The following DCTN5 variants were observed in gnomAD, a reference collection of about 807,000 sequenced individuals.
The protein encoded by DCTN5 is dynactin subunit 5, also known as dynactin 4.
In DCTN5, 14 loss-of-function variants were observed where a neutral mutation model predicts 23.5. The observed-to-expected ratio is 0.60, with a 90% CI of 0.39 to 0.93. The LOEUF is 0.93. Among genes scored for constraint, DCTN5 ranks in the 40% least tolerant of loss-of-function variants. The pLI, the probability that DCTN5 is intolerant of heterozygous loss-of-function variation, is 0.00. For missense variants in DCTN5, 156 were observed against 225.9 expected, an observed-to-expected ratio of 0.69 and a Z score of 1.98; for synonymous variants, 67 against 79.6, an observed-to-expected ratio of 0.84 and a Z score of 0.84.
At chr16:23,659,841 G>C (rs1009675886) in intron 3 of DCTN5, among the ~76,000 whole-genome samples, 3 of 152,134 alleles carry the variant, frequency 2.0e-5, no homozygotes, top group Admixed American at 6.6e-5. Context: ...CCCTATTATG[G>C]TTTTATACAG....
In DCTN5 at chr16:23,643,354, G is replaced by C. The variant is rs2140968692; in HGVS notation, c.117+331G>C. Among the ~76,000 whole-genome samples, 2 of 151,614 alleles carry C rather than the reference G, an allele frequency of 1.3e-5. 1 individual carries two copies. The highest frequency in any genetic ancestry group is 4.2e-4 in the South Asian group (2 of 4,796). On this transcript the variant is annotated intron_variant, in intron 2 of 5. Coordinates refer to ENST00000300087, the MANE Select transcript of DCTN5 (RefSeq NM_032486.4). ...TTACAGGCAGCTGCCACCAAGCCCG[G>C]CTAATATTTTGTATTTTTAGTAGAG...
chr16:23,658,829 C>G (rs1293025420), intron 3 of DCTN5, among the ~76,000 whole-genome samples: 1 of 152,110 alleles, frequency 6.6e-6, no homozygotes, highest in Admixed American at 6.6e-5. Flanking sequence ...CGCTTACACA[C>G]TGGCAAAAGC....
intron 2 of DCTN5, among the ~76,000 whole-genome samples, chr16:23,646,361 C>A (rs1454575669): frequency 6.6e-6 from 1 of 152,038 alleles, no homozygotes; most frequent in African/African-American, 2.4e-5. Context: ...TTTGCAAATG[C>A]TTTCTTCCTT....
chr16:23,667,248 C>A lies in DCTN5; in HGVS notation c.*104C>A. The A allele has an allele frequency of 7.2e-7, 1 of 1,394,724 alleles. No individual in the cohort carries two copies. The highest frequency in any genetic ancestry group is 9.8e-7 in the Non-Finnish European group (1 of 1,020,110). 86.4% of individuals were successfully genotyped at this position (1,394,724 alleles called of 1,614,324 possible). A position where few individuals can be genotyped will look rare whatever the true frequency, so the allele number is the denominator to read the frequency against. On this transcript the variant is annotated 3_prime_UTR_variant, in exon 6 of 6. Coordinates refer to ENST00000300087, the MANE Select transcript of DCTN5 (RefSeq NM_032486.4). Reference sequence around the variant, plus strand: ...AGAGCTTTTGTGTCTTTGACATCTACCACCCTCCTCCTTTTAAAAAATTTC... The same window carrying A: ...AGAGCTTTTGTGTCTTTGACATCTAACACCCTCCTCCTTTTAAAAAATTTC...
intron 2 of DCTN5, among the ~76,000 whole-genome samples, chr16:23,655,994 T>C (rs1967697558): frequency 6.6e-6 from 1 of 152,158 alleles, no homozygotes; most frequent in African/African-American, 2.4e-5. Context: ...GAGGCTGAAG[T>C]AAGAGAATTA....
At chr16:23,651,628 A>T (rs1967607612) in intron 2 of DCTN5, among the ~76,000 whole-genome samples, 1 of 152,266 alleles carries the variant, frequency 6.6e-6, no homozygotes, top group Non-Finnish European at 1.5e-5. Context: ...GTAGGTGGAA[A>T]CATGAAACTG....
intron 2 of DCTN5, among the ~76,000 whole-genome samples, chr16:23,652,357 A>C (rs972907504): frequency 6.6e-6 from 1 of 152,228 alleles, no homozygotes; most frequent in Non-Finnish European, 1.5e-5. Context: ...TTCAAAATTT[A>C]ATTGGTAATC....
intron 2 of DCTN5, among the ~76,000 whole-genome samples, chr16:23,644,602 A>G (rs1967384075): frequency 1.3e-5 from 2 of 151,226 alleles, no homozygotes; most frequent in Admixed American, 6.6e-5. Flanking sequence ...GCCTGGCCTA[A>G]TTTTTGTATT....
At chr16:23,663,687 G>A (rs1967856900) in intron 4 of DCTN5, among the ~76,000 whole-genome samples, 1 of 151,442 alleles carries the variant, frequency 6.6e-6, no homozygotes, top group Non-Finnish European at 1.5e-5. Flanking sequence ...CTGCACTCCA[G>A]CCTGGGCAAC....
rs746797911 is a variant in DCTN5 at position 23,673,838 on chromosome 16, A to G, written c.*6694A>G. On this transcript the variant is annotated 3_prime_UTR_variant, in exon 6 of 6. Coordinates refer to ENST00000300087, the MANE Select transcript of DCTN5 (RefSeq NM_032486.4). ...AGGGAGACAACATGTAAAGAGAAGCAATCTGTTTGGAAAATGAAAATACAG... is the reference window on the plus strand; with the variant it reads ...AGGGAGACAACATGTAAAGAGAAGCGATCTGTTTGGAAAATGAAAATACAG... 1.3e-5 allele frequency: 2 copies of G among 152,242 alleles called. No homozygotes were observed. The highest frequency in any genetic ancestry group is 2.9e-5 in the Non-Finnish European group (2 of 68,038). 9.4% of individuals were successfully genotyped at this position (152,242 alleles called of 1,614,324 possible).
At chr16:23,647,865 T>C (rs1967503436) in intron 2 of DCTN5, among the ~76,000 whole-genome samples, 1 of 152,142 alleles carries the variant, frequency 6.6e-6, no homozygotes, top group African/African-American at 2.4e-5. Flanking sequence ...CAAAAGAATA[T>C]ATGTGACATA....
chr16:23,658,132 A>C (rs1355705867), intron 2 of DCTN5, among the ~76,000 whole-genome samples: 1 of 152,206 alleles, frequency 6.6e-6, no homozygotes, highest in African/African-American at 2.4e-5. Context: ...AAGAAGACAA[A>C]GGTAAAGCAG....
intron 2 of DCTN5, among the ~76,000 whole-genome samples, chr16:23,650,258 T>G (rs1477252935): frequency 6.6e-6 from 1 of 152,224 alleles, no homozygotes; most frequent in Admixed American, 6.5e-5. Flanking sequence ...AAGATTGCAT[T>G]GAGTCTGTAG....
intron 2 of DCTN5, among the ~76,000 whole-genome samples, chr16:23,647,908 A>G (rs1967504764): frequency 6.6e-6 from 1 of 152,230 alleles, no homozygotes; most frequent in South Asian, 2.1e-4. Context: ...AATCAACACC[A>G]GTGAACCCTA....
rs1967982812 is a variant in DCTN5 at position 23,670,289 on chromosome 16, G to A, written c.*3145G>A. The A allele has an allele frequency of 6.6e-6, 1 of 152,250 alleles. No homozygotes were observed. The highest frequency in any genetic ancestry group is 6.5e-5 in the Admixed American group (1 of 15,272). 9.4% of individuals were successfully genotyped at this position (152,250 alleles called of 1,614,324 possible). ...AGCCCTTGTGGTTATTTGGGGTTGGGGTGGTGGCTTCTGTATTAGTCACTT... is the reference window on the plus strand; with the variant it reads ...AGCCCTTGTGGTTATTTGGGGTTGGAGTGGTGGCTTCTGTATTAGTCACTT... On this transcript the variant is annotated 3_prime_UTR_variant, in exon 6 of 6. Transcript: ENST00000300087.
At chr16:23,650,753 C>G (rs1967586544) in intron 2 of DCTN5, 5 of 1,534,686 alleles carry the variant, frequency 3.3e-6, no homozygotes, top group Non-Finnish European at 4.4e-6. Flanking sequence ...CCTTCTCTTT[C>G]AGAACTTTGT....
At chr16:23,650,663 CT>C (rs1319435950) in intron 2 of DCTN5, 6 of 1,235,422 alleles carry the variant, frequency 4.9e-6, no homozygotes, top group Non-Finnish European at 6.7e-6. Context: ...TACAATTCCA[CT>C]TATCCACCCT....
chr16:23,671,249 A>T lies in DCTN5; in HGVS notation c.*4105A>T, dbSNP rs1387358629. 1 of 152,176 alleles carries T rather than the reference A, an allele frequency of 6.6e-6. No homozygotes were observed. Among genetic ancestry groups the T allele is most frequent in the Non-Finnish European group, 1.5e-5 (1 of 68,040 alleles). 9.4% of individuals were successfully genotyped at this position (152,176 alleles called of 1,614,324 possible). Reference sequence around the variant, plus strand: ...GTATTATGATGATTGAAATGCATTTATACATGTAAAGCATAAGTACTGGCT... The same window carrying T: ...GTATTATGATGATTGAAATGCATTTTTACATGTAAAGCATAAGTACTGGCT... On this transcript the variant is annotated 3_prime_UTR_variant, in exon 6 of 6. Coordinates refer to ENST00000300087, the MANE Select transcript of DCTN5 (RefSeq NM_032486.4).
chr16:23,647,214 CT>C (rs1967485604), intron 2 of DCTN5, among the ~76,000 whole-genome samples: 2 of 151,156 alleles, frequency 1.3e-5, no homozygotes, highest in African/African-American at 4.9e-5. Flanking sequence ...CTTACTGCAA[CT>C]TCCTTCTCTC....
Sources: gnomAD v4.1 joint callset for allele counts (sites outside exome capture counted in the v4.1 genomes callset) on GRCh38, gnomAD v4.1.1 for gene constraint, MANE v1.5 for transcripts, NCBI Gene and HGNC (gene_info 2026-07-23, HGNC 2026-07-21) for gene names.